SPRY3: variants seen among roughly 807,000 people sequenced by gnomAD.
SPRY3 encodes the protein sprouty RTK signaling antagonist 3, also known as protein sprouty homolog 3.
A neutral mutation model predicts 20.2 loss-of-function variants in SPRY3; 15 were observed. The ratio of observed to expected loss-of-function variants is 0.74; its 90% CI spans 0.50 to 1.14. The LOEUF (loss-of-function observed/expected upper bound fraction) is 1.14, where lower values mean the gene tolerates loss of function less well. Among genes scored for constraint, SPRY3 ranks in the 50% most tolerant of loss-of-function variants. The pLI, the probability that SPRY3 is intolerant of heterozygous loss-of-function variation, is 0.00. For missense variants in SPRY3, 364 were observed against 363.9 expected, an observed-to-expected ratio of 1.00 and a Z score of 0.00; for synonymous variants, 143 against 136.5, an observed-to-expected ratio of 1.05 and a Z score of -0.33.
intron 2 of SPRY3, among the ~76,000 whole-genome samples, chrX:155,753,673 A>G (rs1163577632): frequency 1.3e-5 from 2 of 151,946 alleles, no homozygotes; most frequent in African/African-American, 2.4e-5. Flanking sequence ...AAGTGGCTGC[A>G]CCACTCACAA....
chrX:155,630,355 A>C (rs921498635), intron 1 of SPRY3, among the ~76,000 whole-genome samples: 2 of 111,729 alleles, frequency 1.8e-5, no homozygotes, highest in Admixed American at 1.9e-4. Context: ...TACTCATTAG[A>C]GTTCTTTCTT....
chrX:155,633,027 C>T (rs1403434890), intron 1 of SPRY3, among the ~76,000 whole-genome samples: 1 of 111,304 alleles, frequency 9.0e-6, no homozygotes, highest in Non-Finnish European at 1.9e-5. Context: ...AGTACTTTAA[C>T]TGGAAATAAG....
At chrX:155,752,747 A>G (rs923261614) in intron 2 of SPRY3, among the ~76,000 whole-genome samples, 1 of 151,856 alleles carries the variant, frequency 6.6e-6, no homozygotes, top group African/African-American at 2.4e-5. Context: ...ATTTGATAAT[A>G]TACTTGGTTG....
At chrX:155,740,047 C>T (rs1276436838) in intron 2 of SPRY3, among the ~76,000 whole-genome samples, 4 of 152,078 alleles carry the variant, frequency 2.6e-5, no homozygotes, top group Non-Finnish European at 5.9e-5. Context: ...AACAGAGGGA[C>T]CAGCTGGAGC....
chrX:155,638,076 T>A (rs1399095010), intron 1 of SPRY3, among the ~76,000 whole-genome samples: 1 of 105,865 alleles, frequency 9.4e-6, no homozygotes, highest in East Asian at 3.0e-4. Flanking sequence ...GTCAAGAAAC[T>A]TTTTTATTTT....
chrX:155,693,340 A>G (rs1444347852), intron 2 of SPRY3, among the ~76,000 whole-genome samples: 1 of 111,955 alleles, frequency 8.9e-6, no homozygotes, highest in African/African-American at 3.2e-5. Context: ...GTCAGAGAAC[A>G]TCCTCTGCAT....
In SPRY3 at chrX:155,652,361, T is replaced by A. The variant is rs2067979923; in HGVS notation, c.-440-4506T>A. 3.6e-5 allele frequency among the ~76,000 whole-genome samples: 4 copies of A among 111,470 alleles called. No individual in the cohort carries two copies. The Admixed American group carries it at 3.8e-4, about 11-fold the overall frequency. On this transcript the variant is annotated intron_variant, in intron 1 of 3. Coordinates refer to ENST00000675360, the Ensembl canonical transcript of SPRY3. The stretch of plus-strand genomic sequence containing the variant: ...TCATTCTTTCTAACTATTTTTTTTT[T>A]ATCCATTAACTATCCCCACCTTCCT...
At chrX:155,691,441 A>G (rs1230064763) in intron 2 of SPRY3, among the ~76,000 whole-genome samples, 1 of 88,170 alleles carries the variant, frequency 1.1e-5, no homozygotes, top group East Asian at 3.3e-4. Context: ...GATTCATTTG[A>G]TGAATTCGAT....
chrX:155,657,133 G>A (rs2067994702), intron 2 of SPRY3, among the ~76,000 whole-genome samples: 1 of 112,008 alleles, frequency 8.9e-6, no homozygotes, highest in Non-Finnish European at 1.9e-5. Flanking sequence ...GCACTGTGCT[G>A]GGGGAACCCT....
At chrX:155,776,878 C>G (rs762783438), downstream of SPRY3, 1 of 167,182 alleles carries the variant, frequency 6.0e-6, no homozygotes, top group Non-Finnish European at 1.5e-5. Context: ...CCCACACCTT[C>G]ACTTACACCT....
intron 2 of SPRY3, among the ~76,000 whole-genome samples, chrX:155,685,893 G>A (rs188536910): frequency 7.2e-5 from 8 of 110,846 alleles, no homozygotes; most frequent in Non-Finnish European, 1.3e-4. Flanking sequence ...TTAGCCTCCC[G>A]AGTAGCTGGG....
chrX:155,626,560 A>C (rs1312538304), intron 1 of SPRY3, among the ~76,000 whole-genome samples: 1 of 110,997 alleles, frequency 9.0e-6, no homozygotes, highest in Non-Finnish European at 1.9e-5. Context: ...GATGTTGTTG[A>C]ATTTATCTAT....
chrX:155,658,531 T>C (rs1048126892), intron 2 of SPRY3, among the ~76,000 whole-genome samples: 5 of 112,171 alleles, frequency 4.5e-5, no homozygotes, highest in African/African-American at 1.6e-4. Context: ...TGTACATTGA[T>C]TTTGTAGCCT....
chrX:155,780,212 T>C (rs916221311), downstream of SPRY3: 8 of 167,024 alleles, frequency 4.8e-5, no homozygotes, highest in Admixed American at 3.3e-4. Flanking sequence ...CTTTTGACCA[T>C]ACCAGGTAAT....
At chrX:155,671,789 T>C (rs1337999389) in intron 2 of SPRY3, among the ~76,000 whole-genome samples, 2 of 111,433 alleles carry the variant, frequency 1.8e-5, no homozygotes, top group Non-Finnish European at 3.8e-5. Flanking sequence ...GGTCTAATAT[T>C]TAAGTCTTTA....
chrX:155,740,468 C>T (rs1602979987), intron 2 of SPRY3, among the ~76,000 whole-genome samples: 4 of 152,180 alleles, frequency 2.6e-5, no homozygotes, highest in Admixed American at 2.6e-4. Context: ...AATTAAGACC[C>T]TGGGAAAGGA....
intron 2 of SPRY3, among the ~76,000 whole-genome samples, chrX:155,724,239 T>A (rs758325779): frequency 1.1e-4 from 16 of 152,274 alleles, no homozygotes; most frequent in African/African-American, 3.9e-4. Flanking sequence ...GCTTTGTTCT[T>A]TTGGCTTAGG....
chrX:155,743,940 G>A (rs1431806317), intron 2 of SPRY3, among the ~76,000 whole-genome samples: 2 of 152,126 alleles, frequency 1.3e-5, no homozygotes, highest in Non-Finnish European at 2.9e-5. Context: ...AGAGATAAAT[G>A]TGTTTTCATA....
chrX:155,763,874 T>G (rs2091314060), intron 2 of SPRY3, among the ~76,000 whole-genome samples: 1 of 152,176 alleles, frequency 6.6e-6, no homozygotes, highest in South Asian at 2.1e-4. Flanking sequence ...TTTCAATATG[T>G]TTTTGAGTTA....
Sources: gnomAD v4.1 joint callset for allele counts (sites outside exome capture counted in the v4.1 genomes callset) on GRCh38, gnomAD v4.1.1 for gene constraint, MANE v1.5 for transcripts, NCBI Gene and HGNC (gene_info 2026-07-23, HGNC 2026-07-21) for gene names.